FAAH2: variants seen among roughly 807,000 people sequenced by gnomAD.
FAAH2 encodes the protein fatty acid amide hydrolase 2.
Under a neutral mutation model 36.9 loss-of-function variants are expected in FAAH2, and 60 were observed. The ratio of observed to expected loss-of-function variants is 1.63; its 90% confidence interval spans 1.32 to 2.02. The LOEUF is 2.02. FAAH2 is among the 30% of genes most tolerant of loss of function. FAAH2 has a pLI of 0.00. For synonymous variants in FAAH2, 214 were observed against 143.8 expected, an observed-to-expected ratio of 1.49 and a Z score of -3.49; for missense variants, 689 against 397.5, an observed-to-expected ratio of 1.73 and a Z score of -6.23.
At chrX:57,358,006 TA>T (rs34552307) in intron 5 of FAAH2, among the ~76,000 whole-genome samples, 16 of 111,010 alleles carry the variant, frequency 1.4e-4, no homozygotes, top group African/African-American at 2.6e-4. Flanking sequence ...TATGCAGCCA[TA>T]AAAAAAGGAT....
chrX:57,252,218 G>A, the FAAH2 span, among the ~76,000 whole-genome samples: 1 of 112,629 alleles, frequency 8.9e-6, no homozygotes, highest in African/African-American at 3.2e-5. Context: ...TGCTCACAGT[G>A]TAAGCAAAGC....
At chrX:57,419,008 A>G (rs759043650) in intron 7 of FAAH2, among the ~76,000 whole-genome samples, 1 of 104,921 alleles carries the variant, frequency 9.5e-6, no homozygotes, top group African/African-American at 3.5e-5. Flanking sequence ...GAGAATGATG[A>G]TTTCCAATTT....
chrX:57,124,141 A>C, the FAAH2 span, among the ~76,000 whole-genome samples: 1 of 111,385 alleles, frequency 9.0e-6, no homozygotes, highest in African/African-American at 3.3e-5. Context: ...TTTTAGGTCT[A>C]ACGTTTAAGT....
chrX:57,320,107 G>T (rs999025072), intron 3 of FAAH2, among the ~76,000 whole-genome samples: 17 of 111,856 alleles, frequency 1.5e-4, no homozygotes, highest in African/African-American at 5.5e-4. Flanking sequence ...ATAGGCATGG[G>T]TAAATAATTC....
At chrX:57,242,433 C>T in the FAAH2 span, among the ~76,000 whole-genome samples, 3 of 111,999 alleles carry the variant, frequency 2.7e-5, no homozygotes, top group Non-Finnish European at 5.6e-5. Context: ...AAAGAAGGAA[C>T]CCCATTTAAA....
chrX:57,229,656 ATTC>A, the FAAH2 span, among the ~76,000 whole-genome samples: 2 of 111,407 alleles, frequency 1.8e-5, no homozygotes, highest in African/African-American at 3.3e-5. Context: ...TCACATGTAT[ATTC>A]TTGTCTTTTT....
chrX:57,299,956 A>T (rs937875061), intron 2 of FAAH2, among the ~76,000 whole-genome samples: 10 of 111,712 alleles, frequency 9.0e-5, no homozygotes, highest in African/African-American at 2.6e-4. Context: ...GAAATAAAAG[A>T]GGATACAAAC....
chrX:57,460,042 A>G (rs775429343), intron 10 of FAAH2, among the ~76,000 whole-genome samples: 6 of 111,788 alleles, frequency 5.4e-5, no homozygotes, highest in African/African-American at 1.9e-4. Flanking sequence ...GTGATAAAAA[A>G]CTCATCTAAG....
intron 10 of FAAH2, among the ~76,000 whole-genome samples, chrX:57,482,546 T>A (rs1409997502): frequency 9.1e-6 from 1 of 109,900 alleles, no homozygotes; most frequent in Admixed American, 9.8e-5. Context: ...ACCCTGCTTC[T>A]GCTCACCCTC....
chrX:57,347,764 G>A (rs1025781374), intron 5 of FAAH2, among the ~76,000 whole-genome samples: 1 of 109,058 alleles, frequency 9.2e-6, no homozygotes, highest in Non-Finnish European at 1.9e-5. Flanking sequence ...TGTGCTTTCA[G>A]GAGACCAGGG....
chrX:57,357,178 T>G (rs5914991), intron 5 of FAAH2, among the ~76,000 whole-genome samples: 23,443 of 96,727 alleles, frequency 0.24, 2,319 homozygotes, highest in Middle Eastern at 0.59. Flanking sequence ...TATACAAAAA[T>G]TAACTCAGGA....
intron 7 of FAAH2, among the ~76,000 whole-genome samples, chrX:57,403,349 G>A (rs1045866341): frequency 4.4e-5 from 5 of 112,520 alleles, no homozygotes; most frequent in South Asian, 3.7e-4. Flanking sequence ...CACTGATGTA[G>A]CAGTCCTGCA....
the FAAH2 span, among the ~76,000 whole-genome samples, chrX:57,159,429 G>A: frequency 2.7e-5 from 3 of 111,360 alleles, no homozygotes; most frequent in South Asian, 3.8e-4. Flanking sequence ...ATTACCTTGG[G>A]CATTATGGCC....
chrX:57,307,712 T>A (rs764940515), intron 2 of FAAH2, among the ~76,000 whole-genome samples: 8 of 111,125 alleles, frequency 7.2e-5, no homozygotes, highest in Non-Finnish European at 1.5e-4. Flanking sequence ...GATACTGAGG[T>A]TTGGGATGCA....
intron 5 of FAAH2, among the ~76,000 whole-genome samples, chrX:57,357,606 T>C (rs191852769): frequency 2.9e-4 from 32 of 111,749 alleles, no homozygotes; most frequent in African/African-American, 1.0e-3. Context: ...CACTGGTCAT[T>C]AGAGAAATGC....
the FAAH2 span, among the ~76,000 whole-genome samples, chrX:57,218,144 C>G: frequency 9.0e-6 from 1 of 111,706 alleles, no homozygotes; most frequent in Non-Finnish European, 1.9e-5. Flanking sequence ...CATTAGTAAA[C>G]AGGGACAGTT....
chrX:57,357,107 G>A (rs1265352026), intron 5 of FAAH2, among the ~76,000 whole-genome samples: 1 of 111,306 alleles, frequency 9.0e-6, no homozygotes, highest in Non-Finnish European at 1.9e-5. Flanking sequence ...TTAATAAATG[G>A]TGCTGGTAAA....
At chrX:57,227,561 G>A in the FAAH2 span, among the ~76,000 whole-genome samples, 3 of 111,470 alleles carry the variant, frequency 2.7e-5, no homozygotes, top group South Asian at 3.9e-4. Flanking sequence ...GACACAAGGG[G>A]CAATGGACTC....
chrX:57,463,034 T>C (rs1302729110), intron 10 of FAAH2, among the ~76,000 whole-genome samples: 1 of 111,754 alleles, frequency 8.9e-6, no homozygotes, highest in African/African-American at 3.2e-5. Context: ...GGGAGCCAAA[T>C]CATGATTGAA....
Sources: gnomAD v4.1 joint callset for allele counts (sites outside exome capture counted in the v4.1 genomes callset) on GRCh38, gnomAD v4.1.1 for gene constraint, MANE v1.5 for transcripts, NCBI Gene and HGNC (gene_info 2026-07-23, HGNC 2026-07-21) for gene names.